The following MYOZ2 variants were observed in gnomAD, a reference collection of about 807,000 sequenced individuals.
The protein encoded by MYOZ2 is myozenin 2.
MYOZ2 carries 19 observed loss-of-function variants against 25.4 expected under a neutral mutation model. The observed-to-expected ratio is 0.75, with a 90% confidence interval of 0.52 to 1.10. The LOEUF is 1.10. Ranked by LOEUF, MYOZ2 falls within the 50% of genes least tolerant of loss-of-function variation. The probability of loss-of-function intolerance (pLI) is 0.00; values close to 1 mark genes in which losing one functional copy is unlikely to be tolerated. For missense variants in MYOZ2, 270 were observed against 317.9 expected (o/e 0.85, Z 1.15); for synonymous variants, 92 against 106.9 (o/e 0.86, Z 0.86).
chr4:119,141,053 G>A (rs528997514), intron 2 of MYOZ2, among the ~76,000 whole-genome samples: 57 of 152,242 alleles, frequency 3.7e-4, no homozygotes, highest in African/African-American at 1.3e-3. Flanking sequence ...TATGTAATAT[G>A]TACATACATG....
At chr4:119,146,996 C>T (rs1160071807) in intron 2 of MYOZ2, among the ~76,000 whole-genome samples, 2 of 152,004 alleles carry the variant, frequency 1.3e-5, no homozygotes, top group East Asian at 1.9e-4. Flanking sequence ...ATCTTTGTTG[C>T]TGTGATTTTA....
chr4:119,136,758 A>C (rs900190141), intron 2 of MYOZ2, among the ~76,000 whole-genome samples, 157 bp downstream of exon 2: 3 of 152,186 alleles, frequency 2.0e-5, no homozygotes, highest in Non-Finnish European at 2.9e-5. Context: ...GCCTATGGTA[A>C]CTAATCCTTT....
chr4:119,159,451 T>C (rs982832494), intron 4 of MYOZ2, among the ~76,000 whole-genome samples: 2 of 152,120 alleles, frequency 1.3e-5, no homozygotes, highest in African/African-American at 4.8e-5. Flanking sequence ...AACTCCTTAT[T>C]CAGTCAGTTT....
intron 2 of MYOZ2, among the ~76,000 whole-genome samples, chr4:119,148,255 C>T (rs1328612416): frequency 6.6e-6 from 1 of 152,012 alleles, no homozygotes; most frequent in Non-Finnish European, 1.5e-5. Flanking sequence ...AGTTGTTTTC[C>T]TCTGGTGGCT....
intron 5 of MYOZ2, among the ~76,000 whole-genome samples, chr4:119,183,662 T>C (rs1742233509): frequency 6.6e-6 from 1 of 152,192 alleles, no homozygotes; most frequent in East Asian, 1.9e-4. Flanking sequence ...CTTCATGGTT[T>C]TAATCCAATT....
At chr4:119,150,566 A>G (rs566974483) in intron 2 of MYOZ2, among the ~76,000 whole-genome samples, 5 of 143,480 alleles carry the variant, frequency 3.5e-5, no homozygotes, top group African/African-American at 7.3e-5. Flanking sequence ...AGCTCATTCT[A>G]TATGGAAAGA....
chr4:119,149,036 G>C (rs1007718671), intron 2 of MYOZ2, among the ~76,000 whole-genome samples: 5 of 152,032 alleles, frequency 3.3e-5, no homozygotes, highest in African/African-American at 1.2e-4. Flanking sequence ...GTTCTGAGAT[G>C]CTTGCTCTTT....
chr4:119,156,339 T>A (rs1741575771), intron 3 of MYOZ2, among the ~76,000 whole-genome samples: 1 of 151,336 alleles, frequency 6.6e-6, no homozygotes, highest in Admixed American at 6.6e-5. Flanking sequence ...GCATACAAGA[T>A]AATCGGGGAA....
At chr4:119,168,003 C>T (rs1031087779) in intron 5 of MYOZ2, among the ~76,000 whole-genome samples, 23 of 152,190 alleles carry the variant, frequency 1.5e-4, no homozygotes, top group African/African-American at 7.2e-5. Flanking sequence ...GACGGAGTCT[C>T]GCTCTGTCAC....
intron 2 of MYOZ2, among the ~76,000 whole-genome samples, chr4:119,144,839 T>A (rs560342103): frequency 2.1e-3 from 314 of 152,360 alleles, no homozygotes; most frequent in Non-Finnish European, 3.2e-3. Flanking sequence ...GTATTTATGC[T>A]AGACTGTTTT....
intron 5 of MYOZ2, among the ~76,000 whole-genome samples, chr4:119,178,396 C>T (rs1742121674): frequency 6.6e-6 from 1 of 152,204 alleles, no homozygotes; most frequent in African/African-American, 2.4e-5. Flanking sequence ...CTGGACATCA[C>T]CCATAGGATG....
At chr4:119,176,103 T>A (rs1214109994) in intron 5 of MYOZ2, among the ~76,000 whole-genome samples, 2 of 152,190 alleles carry the variant, frequency 1.3e-5, no homozygotes, top group Non-Finnish European at 2.9e-5. Context: ...CGTCTTTGAG[T>A]TCATTGAGGT....
At chr4:119,179,357 T>A (rs907976464) in intron 5 of MYOZ2, among the ~76,000 whole-genome samples, 3 of 152,220 alleles carry the variant, frequency 2.0e-5, no homozygotes, top group South Asian at 2.1e-4. Context: ...TTTCAGAGTT[T>A]TGCTAAAATG....
chr4:119,162,799 C>T (rs1561120518), intron 4 of MYOZ2, among the ~76,000 whole-genome samples: 1 of 152,078 alleles, frequency 6.6e-6, no homozygotes, highest in South Asian at 2.1e-4. Context: ...GGGAGACTTT[C>T]GGATAATGCT....
At chr4:119,174,827 A>G (rs1016954334) in intron 5 of MYOZ2, among the ~76,000 whole-genome samples, 1 of 152,118 alleles carries the variant, frequency 6.6e-6, no homozygotes, top group Non-Finnish European at 1.5e-5. Flanking sequence ...TTTTGGGTCC[A>G]CGCTGCTTTT....
Position 119,158,142 on chromosome 4 carries a change from A to G in MYOZ2, c.367A>G (p.Ile123Val). Residue 123 changes from isoleucine (I) to valine (V), a missense_variant, in exon 4 of 6, where the codon ATT becomes GTT. Transcript: ENST00000307128. ...DPRSPPNPDN[I>V]APGYSGPLKE... ...ACGAAGCCCTCCAAATCCAGACAAC[A>G]TTGCTCCAGGTAACCAATCCCCTTA... 1.2e-6 allele frequency: 2 copies of G among 1,614,092 alleles called. No individual in the cohort carries two copies. Among genetic ancestry groups the G allele is most frequent in the East Asian group, 2.2e-5 (1 of 44,892 alleles).
In MYOZ2 at chr4:119,186,301, C is replaced by A; in HGVS notation, c.*101C>A. On this transcript the variant is annotated 3_prime_UTR_variant, in exon 6 of 6. Coordinates refer to ENST00000307128, the MANE Select transcript of MYOZ2 (RefSeq NM_016599.5). Reference sequence around the variant, plus strand: ...CACTTGCATTTTTCATTAGTAGCAACAATAGCAATTTAGTGATTTTCCTTT... The same window carrying A: ...CACTTGCATTTTTCATTAGTAGCAAAAATAGCAATTTAGTGATTTTCCTTT... The A allele has an allele frequency of 1.2e-6, 1 of 856,390 alleles. No homozygotes were observed. Among genetic ancestry groups the A allele is most frequent in the Non-Finnish European group, 1.9e-6 (1 of 534,024 alleles). 53.0% of individuals were successfully genotyped at this position (856,390 alleles called of 1,614,324 possible). A position where few individuals can be genotyped will look rare whatever the true frequency, so the allele number is the denominator to read the frequency against.
At chr4:119,152,187 T>A (rs1043869516) in intron 3 of MYOZ2, among the ~76,000 whole-genome samples, 2 of 106,104 alleles carry the variant, frequency 1.9e-5, no homozygotes, top group Non-Finnish European at 4.6e-5. Context: ...CTTACTCAAC[T>A]ATAGTATTTA....
At chr4:119,172,481 A>G (rs1741967407) in intron 5 of MYOZ2, among the ~76,000 whole-genome samples, 1 of 152,212 alleles carries the variant, frequency 6.6e-6, no homozygotes, top group South Asian at 2.1e-4. Flanking sequence ...GGTGGGGGCC[A>G]CAAGATCAGA....
Sources: gnomAD v4.1 joint callset for allele counts (sites outside exome capture counted in the v4.1 genomes callset) on GRCh38, gnomAD v4.1.1 for gene constraint, MANE v1.5 for transcripts, NCBI Gene and HGNC (gene_info 2026-07-23, HGNC 2026-07-21) for gene names.